The following DDX1 variants were observed in gnomAD, a reference collection of about 807,000 sequenced individuals.
The protein encoded by DDX1 is ATP-dependent RNA helicase DDX1.
A neutral mutation model predicts 108.7 loss-of-function variants in DDX1; 28 were observed. The observed-to-expected ratio is 0.26, with a 90% CI of 0.19 to 0.35. DDX1 has a LOEUF of 0.35. DDX1 is among the 10% of genes least tolerant of loss of function. DDX1 has a pLI of 1.00. For missense variants in DDX1, 710 were observed against 884.5 expected, an observed-to-expected ratio of 0.80 and a Z score of 2.50; for synonymous variants, 295 against 288.9, an observed-to-expected ratio of 1.02 and a Z score of -0.21.
intron 1 of DDX1, among the ~76,000 whole-genome samples, chr2:15,594,880 A>C (rs1033879355): frequency 6.6e-6 from 1 of 152,240 alleles, no homozygotes; most frequent in African/African-American, 2.4e-5. Context: ...TAGCCCTGCA[A>C]GGTAGGCAAT....
Position 15,607,193 on chromosome 2 carries a change from A to C in DDX1, c.836A>C (p.Gln279Pro). The part of the protein sequence containing the change: ...SQHSGNAQVT[Q>P]TKFLPNAPKA... The stretch of plus-strand genomic sequence containing the variant: ...CCCTAAGGTAATGCACAGGTGACAC[A>C]AACAAAGTTTCTCCCCAATGCTCCG... The change falls in exon 13 of 26, where the codon CAA (glutamine) becomes CCA (proline). Residue 279 changes from glutamine to proline, a missense_variant. Around this residue, in one of 3 missense-constraint regions of DDX1, gnomAD observed 661 missense variants for 810.2 expected, o/e 0.82. Coordinates refer to ENST00000233084, the MANE Select transcript of DDX1 (RefSeq NM_004939.3). 1 of 1,614,134 alleles carries C rather than the reference A, an allele frequency of 6.2e-7. No homozygotes were observed. Among genetic ancestry groups the C allele is most frequent in the Middle Eastern group, 1.6e-4 (1 of 6,062 alleles).
At chr2:15,603,322 A>G in intron 8 of DDX1, 47 bp downstream of exon 8, 1 of 1,249,168 alleles carries the variant, frequency 8.0e-7, no homozygotes, top group African/African-American at 1.5e-5. Context: ...CATTTGGGGG[A>G]TAACATTTTA....
At chr2:15,604,846 G>A (rs956585123) in intron 10 of DDX1, among the ~76,000 whole-genome samples, 2 of 152,152 alleles carry the variant, frequency 1.3e-5, no homozygotes, top group African/African-American at 2.4e-5. Context: ...TTTGTGTAGG[G>A]CAGTCAAAAG....
chr2:15,603,059 G>T, intron 7 of DDX1, 133 bp from the exon 8 acceptor site: 1 of 640,696 alleles, frequency 1.6e-6, no homozygotes, highest in South Asian at 2.2e-5. Context: ...GAAGGTGTTT[G>T]ATGGTACAAA....
intron 16 of DDX1, among the ~76,000 whole-genome samples, chr2:15,619,845 A>G (rs1037645275): frequency 3.3e-5 from 5 of 152,188 alleles, no homozygotes; most frequent in Non-Finnish European, 5.9e-5. Flanking sequence ...CTATTGAAAA[A>G]TTGTTGTCTT....
intron 17 of DDX1, 48 bp downstream of exon 17, chr2:15,620,444 A>C (rs771298364): frequency 4.3e-5 from 63 of 1,455,442 alleles, no homozygotes; most frequent in Middle Eastern, 3.7e-4. Context: ...AGCAATTTAT[A>C]AACTAGGTCA....
At chr2:15,593,145 C>T (rs370403920) in intron 1 of DDX1, among the ~76,000 whole-genome samples, 1 of 152,202 alleles carries the variant, frequency 6.6e-6, no homozygotes, top group East Asian at 1.9e-4. Flanking sequence ...TGGTCTCGAA[C>T]TCCTGACCTC....
At chr2:15,630,251 A>C in intron 25 of DDX1, 141 bp downstream of exon 25, 4 of 823,308 alleles carry the variant, frequency 4.9e-6, no homozygotes, top group Non-Finnish European at 7.6e-6. Context: ...TATTACCCTC[A>C]TAGTACTTTG....
At chr2:15,607,956 C>CT (rs1427750144) in intron 13 of DDX1, among the ~76,000 whole-genome samples, 1 of 152,104 alleles carries the variant, frequency 6.6e-6, no homozygotes, top group Non-Finnish European at 1.5e-5. Context: ...TGTTAGTAAA[C>CT]TTGGCGAGGT....
intron 18 of DDX1, among the ~76,000 whole-genome samples, chr2:15,621,861 C>T (rs1666015400): frequency 6.6e-6 from 1 of 152,060 alleles, no homozygotes. Context: ...ACCATGTGGG[C>T]CAGGCTGGTC....
chr2:15,630,676 T>C (rs1666176488), intron 25 of DDX1, 100 bp from the exon 26 acceptor site: 2 of 1,299,300 alleles, frequency 1.5e-6, no homozygotes, highest in South Asian at 3.0e-5. Context: ...ATTTTATTGC[T>C]GCAAGCAAAG....
At chr2:15,599,462 A>G (rs1399641333) in intron 5 of DDX1, among the ~76,000 whole-genome samples, 5 of 150,992 alleles carry the variant, frequency 3.3e-5, no homozygotes. Flanking sequence ...ACACGCCACC[A>G]TGCCTGGCTA....
At chr2:15,611,874 G>T (rs1478798292) in intron 13 of DDX1, among the ~76,000 whole-genome samples, 7 of 39,854 alleles carry the variant, frequency 1.8e-4, no homozygotes, top group East Asian at 1.5e-3. Flanking sequence ...GGGCAGAGGC[G>T]CCCCTCACCT....
chr2:15,618,487 C>T (rs556069453), intron 16 of DDX1, among the ~76,000 whole-genome samples: 70 of 152,276 alleles, frequency 4.6e-4, no homozygotes, highest in African/African-American at 1.5e-3. Context: ...GAGCCAGGCG[C>T]GGAGTGGTGA....
rs866476021 is a variant in DDX1, at chr2:15,612,878, G to A, written c.957-346G>A. Among the ~76,000 whole-genome samples the A allele has an allele frequency of 5.1e-3, 778 of 151,804 alleles. 9 individuals are homozygous for A. Among genetic ancestry groups the A allele is most frequent in the African/African-American group, 0.017 (717 of 41,494 alleles). On this transcript the variant is annotated intron_variant, in intron 13 of 25. Transcript: ENST00000233084. ...GAAAACCAGTCAGGCGTGGTGGCGC[G>A]TGCCTGCAATCGCAGGCACTCGGCA...
intron 6 of DDX1, among the ~76,000 whole-genome samples, chr2:15,599,980 G>C (rs1433457190): frequency 6.6e-6 from 1 of 152,196 alleles, no homozygotes; most frequent in East Asian, 1.9e-4. Flanking sequence ...TAAGTAAAGG[G>C]TGCTGACACG....
Position 15,603,391 on chromosome 2 carries a change from G to A in DDX1, c.475+116G>A, listed in dbSNP as rs184634270. ...TAAAAAGGTTTTATTTTAAAGACAT[G>A]GAAACAATATTTATCTGTACCCCAC... On this transcript the variant is annotated intron_variant, in intron 8 of 25. Coordinates refer to ENST00000233084, the MANE Select transcript of DDX1 (RefSeq NM_004939.3). 1.1e-3 allele frequency: 821 copies of A among 734,410 alleles called. 1 individual carries two copies. The highest frequency in any genetic ancestry group is 1.4e-3 in the Non-Finnish European group (640 of 442,210). 45.5% of individuals were successfully genotyped at this position (734,410 alleles called of 1,614,324 possible).
chr2:15,622,246 C>T (rs951878477), intron 18 of DDX1, among the ~76,000 whole-genome samples: 1 of 152,158 alleles, frequency 6.6e-6, no homozygotes. Flanking sequence ...TATTGTTGTA[C>T]AATCATCACC....
Position 15,631,034 on chromosome 2 carries a change from C to T in DDX1, c.*128C>T. ...GCTATTAATGCTAACTCTTGCATGT[C>T]AAGAAACATTAGTCTTAGGAATTCT... On this transcript the variant is annotated 3_prime_UTR_variant, in exon 26 of 26. Coordinates refer to ENST00000233084, the MANE Select transcript of DDX1 (RefSeq NM_004939.3). The T allele has an allele frequency of 1.3e-6, 1 of 785,910 alleles. No homozygotes were observed. Among genetic ancestry groups the T allele is most frequent in the Non-Finnish European group, 1.9e-6 (1 of 537,220 alleles). 48.7% of individuals were successfully genotyped at this position (785,910 alleles called of 1,614,324 possible).
Sources: gnomAD v4.1 joint callset for allele counts (sites outside exome capture counted in the v4.1 genomes callset) on GRCh38, gnomAD v4.1.1 for gene constraint, gnomAD v4.1.1 regional missense constraint, MANE v1.5 for transcripts, NCBI Gene and HGNC (gene_info 2026-07-23, HGNC 2026-07-21) for gene names.